Variants in RAB3GAP1 observed in about 807,000 individuals in gnomAD.
The protein encoded by RAB3GAP1 is RAB3 GTPase activating protein catalytic subunit 1.
In RAB3GAP1, 86 loss-of-function variants were observed where a neutral mutation model predicts 130.7. The ratio of observed to expected loss-of-function variants is 0.66; its 90% confidence interval spans 0.55 to 0.79. RAB3GAP1 has a LOEUF of 0.79. Ranked by LOEUF, RAB3GAP1 falls within the 30% of genes least tolerant of loss-of-function variation. The probability of loss-of-function intolerance (pLI) is 0.00; values close to 1 mark genes in which losing one functional copy is unlikely to be tolerated. For missense variants in RAB3GAP1, 1,029 were observed against 1,169.4 expected, an observed-to-expected ratio of 0.88 and a Z score of 1.75; for synonymous variants, 367 against 401.7, an observed-to-expected ratio of 0.91 and a Z score of 1.03.
chr2:135,119,090 CCCTCCCTT>C (rs1238280457), intron 7 of RAB3GAP1, among the ~76,000 whole-genome samples: 2 of 142,502 alleles, frequency 1.4e-5, no homozygotes, highest in African/African-American at 5.4e-5. Context: ...CTCCCTCCCT[CCCTCCCTT>C]CCTTCCTTCC....
At chr2:135,099,057 TTTTTCTGTTTAAAA>T (rs1209339140) in intron 5 of RAB3GAP1, among the ~76,000 whole-genome samples, 6 of 152,210 alleles carry the variant, frequency 3.9e-5, no homozygotes, top group Non-Finnish European at 8.8e-5. Flanking sequence ...GTTCATTTTT[TTTTTCTGTTTAAAA>T]CTGGCTAGGG....
intron 3 of RAB3GAP1, among the ~76,000 whole-genome samples, chr2:135,070,147 A>G (rs1021981703): frequency 6.6e-6 from 1 of 152,220 alleles, no homozygotes; most frequent in African/African-American, 2.4e-5. Context: ...CCTGTCAAAC[A>G]ACTTGGTATC....
At chr2:135,081,155 C>T (rs547243326) in intron 3 of RAB3GAP1, among the ~76,000 whole-genome samples, 1 of 150,328 alleles carries the variant, frequency 6.7e-6, no homozygotes, top group Non-Finnish European at 1.5e-5. Flanking sequence ...TAGCAAATCT[C>T]CATTAGCCGG....
At chr2:135,119,964 A>G (rs923013367) in intron 7 of RAB3GAP1, among the ~76,000 whole-genome samples, 1 of 152,192 alleles carries the variant, frequency 6.6e-6, no homozygotes, top group East Asian at 1.9e-4. Context: ...TGACAGATAA[A>G]TCTAAGTTTT....
At chr2:135,163,381 A>G (rs1157100071) in intron 22 of RAB3GAP1, among the ~76,000 whole-genome samples, 1 of 152,110 alleles carries the variant, frequency 6.6e-6, no homozygotes. Flanking sequence ...GGTGTCTGGA[A>G]TTTCTTGTGG....
intron 17 of RAB3GAP1, among the ~76,000 whole-genome samples, chr2:135,147,920 GCTT>G (rs1301562397): frequency 1.3e-5 from 2 of 152,006 alleles, no homozygotes; most frequent in Non-Finnish European, 2.9e-5. Context: ...GGAAGCTCAG[GCTT>G]CTTCTTTCCT....
chr2:135,154,013 C>A, intron 19 of RAB3GAP1, 137 bp downstream of exon 19: 1 of 803,216 alleles, frequency 1.2e-6, no homozygotes, highest in South Asian at 1.6e-5. Context: ...TTTTATATAT[C>A]TACTATTCAC....
In RAB3GAP1 at chr2:135,091,126, A is replaced by G; in HGVS notation, c.279A>G (p.Leu93=). Residue 93 remains leucine (L), a synonymous_variant, in exon 4 of 24, where the codon TTA becomes TTG. Transcript: ENST00000264158. ...STDKEGKDEL[L]EDVVPQSMQD... is the part of the protein sequence containing the mutation. ...ATAAAGAAGGAAAGGATGAGTTATTAGAGGGTAAGTTATTTCTATATAATA... is the reference window on the plus strand; with the variant it reads ...ATAAAGAAGGAAAGGATGAGTTATTGGAGGGTAAGTTATTTCTATATAATA... The G allele has an allele frequency of 6.3e-7, 1 of 1,583,252 alleles. No individual in the cohort carries two copies. Among genetic ancestry groups the G allele is most frequent in the South Asian group, 1.1e-5 (1 of 90,396 alleles).
At chr2:135,099,413 G>T (rs1487881697) in intron 5 of RAB3GAP1, among the ~76,000 whole-genome samples, 1 of 150,496 alleles carries the variant, frequency 6.6e-6, no homozygotes, top group Non-Finnish European at 1.5e-5. Flanking sequence ...CCACTTCTTT[G>T]TGGTGCAATT....
chr2:135,118,965 G>A (rs1691107597), intron 7 of RAB3GAP1, among the ~76,000 whole-genome samples: 2 of 152,126 alleles, frequency 1.3e-5, no homozygotes, highest in African/African-American at 4.8e-5. Context: ...ATCCTAGGTT[G>A]TCAGTGCCGC....
In RAB3GAP1 at chr2:135,113,247, T is replaced by A. The variant is rs1242522072; in HGVS notation, c.459T>A (p.Ser153=). ...SKCNLLLSSV[S]IALGNTGCQV... ...GCAACCTTCTTCTGAGTTCTGTTTCTATTGCCTTGGGAAACACTGGCTGGT... is the reference window on the plus strand; with the variant it reads ...GCAACCTTCTTCTGAGTTCTGTTTCAATTGCCTTGGGAAACACTGGCTGGT... The change falls in exon 6 of 24, where the codon TCT becomes TCA. Residue 153 remains serine (S), a synonymous_variant. Coordinates refer to ENST00000264158, the MANE Select transcript of RAB3GAP1 (RefSeq NM_012233.3). 13 of 1,614,072 alleles carry A rather than the reference T, an allele frequency of 8.1e-6. No individual in the cohort carries two copies. The highest frequency in any genetic ancestry group is 1.1e-5 in the Non-Finnish European group (13 of 1,180,028).
Position 135,169,806 on chromosome 2 carries a change from C to G in RAB3GAP1, c.*1025C>G, listed in dbSNP as rs1224038432. 1 of 454,942 alleles carries G rather than the reference C, an allele frequency of 2.2e-6. No individual in the cohort carries two copies. The highest frequency in any genetic ancestry group is 1.6e-5 in the South Asian group (1 of 64,264). 28.2% of individuals were successfully genotyped at this position (454,942 alleles called of 1,614,324 possible). A position where few individuals can be genotyped will look rare whatever the true frequency, so the allele number is the denominator to read the frequency against. ...TCACCACATTTCTAGTTTCATGGAG[C>G]TCAAGATGTCTTGTGTCTGTGTGGC... is the stretch of plus-strand genomic sequence containing the variant. On this transcript the variant is annotated 3_prime_UTR_variant, in exon 24 of 24. Transcript: ENST00000264158.
chr2:135,088,048 T>C (rs1053410850), intron 3 of RAB3GAP1, among the ~76,000 whole-genome samples: 13 of 152,202 alleles, frequency 8.5e-5, no homozygotes, highest in Admixed American at 3.3e-4. Flanking sequence ...GAGACAGAAC[T>C]TGGATGCCTT....
intron 3 of RAB3GAP1, among the ~76,000 whole-genome samples, chr2:135,082,633 G>T (rs1689860113): frequency 6.6e-6 from 1 of 151,746 alleles, no homozygotes; most frequent in Non-Finnish European, 1.5e-5. Context: ...TAGAGATGGG[G>T]TTTCACCATG....
chr2:135,088,988 T>C (rs1471519839), intron 3 of RAB3GAP1, among the ~76,000 whole-genome samples: 1 of 152,124 alleles, frequency 6.6e-6, no homozygotes, highest in East Asian at 1.9e-4. Context: ...TTTGCTAATA[T>C]GCCTAGGTTT....
At position 135,135,857 on chromosome 2, in the gene RAB3GAP1, G is replaced by A. The variant is rs368626850; in HGVS notation, c.1848G>A (p.Pro616=). The A allele has an allele frequency of 1.9e-5, 30 of 1,614,020 alleles. No homozygotes were observed. The highest frequency in any genetic ancestry group is 1.7e-4 in the Admixed American group (10 of 60,008). ...CTAAGGAGATGGCAAATTTAAGGCCGGAAGGACGGCTCTATCAGCATGGGA... is the reference window on the plus strand; with the variant it reads ...CTAAGGAGATGGCAAATTTAAGGCCAGAAGGACGGCTCTATCAGCATGGGA... ...GGPKEMANLR[P]EGRLYQHGKL... The change falls in exon 17 of 24, where the codon CCG becomes CCA. Residue 616 remains proline (P), a synonymous_variant. Coordinates refer to ENST00000264158, the MANE Select transcript of RAB3GAP1 (RefSeq NM_012233.3).
intron 3 of RAB3GAP1, among the ~76,000 whole-genome samples, chr2:135,060,070 T>C (rs1689123773): frequency 1.3e-5 from 2 of 152,148 alleles, no homozygotes; most frequent in African/African-American, 4.8e-5. Context: ...TTCAAACATA[T>C]ATGAAGTAAA....
At position 135,153,192 on chromosome 2, in the gene RAB3GAP1, C is replaced by A. The variant is rs143270571; in HGVS notation, c.2062-457C>A. 2.1e-4 allele frequency among the ~76,000 whole-genome samples: 32 copies of A among 152,252 alleles called. No homozygotes were observed. In the East Asian group the frequency reaches 4.8e-3, roughly 23 times the overall value. ...TTTTCCATCACTGTGTTATTCTGAT[C>A]ATGTGGTGTATTATTTAATTTTTAC... On this transcript the variant is annotated intron_variant, in intron 18 of 23. Coordinates refer to ENST00000264158, the MANE Select transcript of RAB3GAP1 (RefSeq NM_012233.3).
At chr2:135,074,709 C>G (rs1689573552) in intron 3 of RAB3GAP1, among the ~76,000 whole-genome samples, 1 of 152,096 alleles carries the variant, frequency 6.6e-6, no homozygotes. Context: ...GTGTCATGGG[C>G]AGTAAAGGAT....
Sources: gnomAD v4.1 joint callset for allele counts (sites outside exome capture counted in the v4.1 genomes callset) on GRCh38, gnomAD v4.1.1 for gene constraint, MANE v1.5 for transcripts, NCBI Gene and HGNC (gene_info 2026-07-23, HGNC 2026-07-21) for gene names.